Variants in CRYL1 observed in about 807,000 individuals in gnomAD.
CRYL1 encodes the protein lambda-crystallin homolog.
CRYL1 carries 29 observed loss-of-function variants against 36.6 expected under a neutral mutation model. That is an observed-to-expected ratio of 0.79 (90% CI 0.59 to 1.08). The LOEUF (loss-of-function observed/expected upper bound fraction) is 1.08. Among genes scored for constraint, CRYL1 ranks in the 50% least tolerant of loss-of-function variants. CRYL1 has a pLI of 0.00. For missense variants in CRYL1, 411 were observed against 407.9 expected, an observed-to-expected ratio of 1.01 and a Z score of -0.06; for synonymous variants, 152 against 151.5, an observed-to-expected ratio of 1.00 and a Z score of -0.02.
chr13:20,522,715 C>G (rs924579946), intron 1 of CRYL1, among the ~76,000 whole-genome samples: 2 of 151,898 alleles, frequency 1.3e-5, no homozygotes, highest in Non-Finnish European at 2.9e-5. Context: ...AGGGCATGCC[C>G]TGCACCAGGA....
chr13:20,413,823 G>A (rs1341936050), intron 5 of CRYL1, among the ~76,000 whole-genome samples: 1 of 152,142 alleles, frequency 6.6e-6, no homozygotes, highest in East Asian at 1.9e-4. Context: ...GATTAGGGAT[G>A]TTCAACCTAT....
rs528915095 is a variant in CRYL1 at position 20,499,632 on chromosome 13, A to C, written c.150-10136T>G. Among the ~76,000 whole-genome samples, 31 of 152,260 alleles carry C rather than the reference A, an allele frequency of 2.0e-4. No individual in the cohort carries two copies. The East Asian group carries it at 6.0e-3, about 29-fold the overall frequency. On this transcript the variant is annotated intron_variant, in intron 2 of 7. Transcript: ENST00000298248. ...ATGCCACTGCACTCCAGCCTGGGTG[A>C]CAGAGCGAGACTCTGACACACACAC...
At chr13:20,424,181 G>A (rs955928058) in intron 5 of CRYL1, among the ~76,000 whole-genome samples, 2 of 152,164 alleles carry the variant, frequency 1.3e-5, no homozygotes, top group Non-Finnish European at 2.9e-5. Context: ...CATTCTTACA[G>A]AGCTCTCTGC....
At chr13:20,428,208 C>T (rs1485611944) in intron 5 of CRYL1, among the ~76,000 whole-genome samples, 2 of 152,154 alleles carry the variant, frequency 1.3e-5, no homozygotes, top group Non-Finnish European at 2.9e-5. Flanking sequence ...AAAATCTGAA[C>T]CCCAAAGTGC....
intron 1 of CRYL1, among the ~76,000 whole-genome samples, chr13:20,516,625 G>A (rs1471827280): frequency 4.6e-5 from 7 of 151,908 alleles, no homozygotes; most frequent in South Asian, 2.1e-4. Context: ...GACTACAGGC[G>A]CTCGCCACCA....
chr13:20,406,898 C>G (rs2031392283), intron 6 of CRYL1, among the ~76,000 whole-genome samples: 1 of 151,616 alleles, frequency 6.6e-6, no homozygotes, highest in African/African-American at 2.4e-5. Context: ...AGCCACAGGC[C>G]AGGGGTTCAG....
rs1237747415 is a variant in CRYL1, at chr13:20,435,746, C to G, written c.439-3450G>C. ...GCGGAGCACAAGGGACGCATTCTTC[C>G]CCGCCGCCCGGGCCCCATGTGACCG... On this transcript the variant is annotated intron_variant, in intron 4 of 7. Coordinates refer to ENST00000298248, the MANE Select transcript of CRYL1 (RefSeq NM_015974.3). The surrounding 1 kb of genome is among the most constrained non-coding windows in gnomAD (Gnocchi z 4.0). Among the ~76,000 whole-genome samples, 1 of 152,216 alleles carries G rather than the reference C, an allele frequency of 6.6e-6. No individual in the cohort carries two copies. The highest frequency in any genetic ancestry group is 1.5e-5 in the Non-Finnish European group (1 of 68,034).
At chr13:20,462,712 G>A (rs1315186618) in intron 3 of CRYL1, among the ~76,000 whole-genome samples, 1 of 151,562 alleles carries the variant, frequency 6.6e-6, no homozygotes, top group Non-Finnish European at 1.5e-5. Flanking sequence ...AGCTTCGGGG[G>A]AGGGGCTGCT....
At chr13:20,442,639 C>CT (rs1305649971) in intron 3 of CRYL1, among the ~76,000 whole-genome samples, 2 of 152,206 alleles carry the variant, frequency 1.3e-5, no homozygotes. Flanking sequence ...ACTCTCAACT[C>CT]TGTCTTTCAG....
chr13:20,424,571 A>G (rs1160554175), intron 5 of CRYL1, among the ~76,000 whole-genome samples: 1 of 152,266 alleles, frequency 6.6e-6, no homozygotes, highest in East Asian at 1.9e-4. Flanking sequence ...AGAAAGGCAC[A>G]GCATCCTGGG....
intron 2 of CRYL1, among the ~76,000 whole-genome samples, chr13:20,508,848 CAAAAAAAAAAAAA>C (rs1179533995): frequency 9.6e-5 from 1 of 10,448 alleles, no homozygotes; most frequent in Non-Finnish European, 1.7e-4. Context: ...AGCGAGACTC[CAAAAAAAAAAAAA>C]AAAAAAAAAA....
At chr13:20,412,116 A>G (rs73160833) in intron 6 of CRYL1, among the ~76,000 whole-genome samples, 1,900 of 152,082 alleles carry the variant, frequency 0.012, 106 homozygotes, top group Admixed American at 0.093. Flanking sequence ...AGGCAACCAC[A>G]TCCCCTTTTC....
At chr13:20,500,208 T>C (rs9552216) in intron 2 of CRYL1, among the ~76,000 whole-genome samples, 30,319 of 152,242 alleles carry the variant, frequency 0.2, 3,276 homozygotes, top group South Asian at 0.25. Context: ...CTTTTTGTTT[T>C]TCAGAGTCTG....
chr13:20,508,600 A>C (rs2033845650), intron 2 of CRYL1, among the ~76,000 whole-genome samples: 1 of 151,448 alleles, frequency 6.6e-6, no homozygotes, highest in African/African-American at 2.4e-5. Flanking sequence ...TAATCCCAGC[A>C]CTTTGGGAGG....
intron 1 of CRYL1, among the ~76,000 whole-genome samples, chr13:20,520,811 A>G (rs1466932013): frequency 6.6e-6 from 1 of 152,160 alleles, no homozygotes; most frequent in African/African-American, 2.4e-5. Flanking sequence ...TCCTCTCTTG[A>G]AAATTGGACC....
At position 20,425,987 on chromosome 13, in the gene CRYL1, C is replaced by A. The variant is rs995019756; in HGVS notation, c.633+6115G>T. Among the ~76,000 whole-genome samples, 4 of 152,168 alleles carry A rather than the reference C, an allele frequency of 2.6e-5. No individual in the cohort carries two copies. The highest frequency in any genetic ancestry group is 5.9e-5 in the Non-Finnish European group (4 of 68,038). ...CCTGAGGGACCTGCTTCTGCCCACACAGGCTCATGACTCCTAAAGGGAAAA... is the reference window on the plus strand; with the variant it reads ...CCTGAGGGACCTGCTTCTGCCCACAAAGGCTCATGACTCCTAAAGGGAAAA... On this transcript the variant is annotated intron_variant, in intron 5 of 7. Transcript: ENST00000298248. This position sits in a 1 kb window ranked among gnomAD's most constrained non-coding sequence, Gnocchi z 4.4.
rs766297774 is a variant in CRYL1 at position 20,432,243 on chromosome 13, C to T, written c.492G>A (p.Thr164=). 50 of 1,613,304 alleles carry T rather than the reference C, an allele frequency of 3.1e-5. No homozygotes were observed. The highest frequency in any genetic ancestry group is 1.3e-4 in the Admixed American group (8 of 59,874). ...PLVELVPHPE[T]APTTVDRTHA... Reference sequence around the variant, plus strand: ...GGGTTCTGTCCACTGTCGTAGGGGCCGTCTCCGGGTGGGGGACCAGCTCAA... The same window carrying T: ...GGGTTCTGTCCACTGTCGTAGGGGCTGTCTCCGGGTGGGGGACCAGCTCAA... Residue 164 remains threonine (T), a synonymous_variant, in exon 5 of 8, where the codon ACG becomes ACA. Coordinates refer to ENST00000298248, the MANE Select transcript of CRYL1 (RefSeq NM_015974.3).
intron 5 of CRYL1, among the ~76,000 whole-genome samples, chr13:20,416,922 G>C (rs1197832543): frequency 6.6e-6 from 1 of 152,116 alleles, no homozygotes; most frequent in Non-Finnish European, 1.5e-5. Flanking sequence ...GGAGGGCTGT[G>C]GGTCTTCCAT....
At chr13:20,474,460 T>C (rs1310192554) in intron 3 of CRYL1, among the ~76,000 whole-genome samples, 2 of 152,214 alleles carry the variant, frequency 1.3e-5, no homozygotes, top group African/African-American at 4.8e-5. Context: ...AAAAATTTTG[T>C]GTCGCCCTCA....
Sources: allele counts gnomAD v4.1 joint callset (sites outside exome capture counted in the v4.1 genomes callset), GRCh38; gene constraint gnomAD v4.1.1; non-coding constraint Gnocchi (gnomAD v3.1); transcripts MANE v1.5; gene names NCBI Gene and HGNC (gene_info 2026-07-23, HGNC 2026-07-21).